OR2L13: variants seen among roughly 807,000 people sequenced by gnomAD.
OR2L13 encodes the protein olfactory receptor 2L13.
OR2L13 carries 14 observed loss-of-function variants against 15.3 expected under a neutral mutation model. That is an observed-to-expected ratio of 0.91 (90% CI 0.60 to 1.43). OR2L13 has a LOEUF of 1.43. OR2L13 is among the 40% of genes most tolerant of loss of function. OR2L13 has a pLI of 0.00. For missense variants in OR2L13, 367 were observed against 387.9 expected (o/e 0.95, Z 0.45); for synonymous variants, 152 against 142.9 (o/e 1.06, Z -0.45).
At chr1:247,942,768 G>A in the OR2L13 span, among the ~76,000 whole-genome samples, 1 of 152,060 alleles carries the variant, frequency 6.6e-6, no homozygotes, top group Non-Finnish European at 1.5e-5. Context: ...TAAGTGTAGA[G>A]TTCTGTGTCA....
At chr1:247,999,868 G>A in the OR2L13 span, among the ~76,000 whole-genome samples, 3 of 152,080 alleles carry the variant, frequency 2.0e-5, no homozygotes. Flanking sequence ...GCTATTTCCT[G>A]TTTTACCATT....
the OR2L13 span, among the ~76,000 whole-genome samples, chr1:247,946,028 G>A: frequency 2.6e-5 from 4 of 152,084 alleles, no homozygotes; most frequent in Admixed American, 2.0e-4. Flanking sequence ...TTTAATCGCT[G>A]TAATCAGCAT....
At chr1:248,014,901 A>G in the OR2L13 span, among the ~76,000 whole-genome samples, 2 of 152,200 alleles carry the variant, frequency 1.3e-5, no homozygotes, top group South Asian at 2.1e-4. Flanking sequence ...TCTCTTTCCC[A>G]TGAACTTACA....
chr1:248,096,751 C>A (rs1664749948), upstream of OR2L13, among the ~76,000 whole-genome samples: 1 of 152,184 alleles, frequency 6.6e-6, no homozygotes, highest in Non-Finnish European at 1.5e-5. Flanking sequence ...CCTACACTTG[C>A]TACACTTACA....
At chr1:247,979,325 C>G in the OR2L13 span, among the ~76,000 whole-genome samples, 1 of 152,060 alleles carries the variant, frequency 6.6e-6, no homozygotes, top group African/African-American at 2.4e-5. Context: ...CACCACCCCC[C>G]AAAAGGCCCC....
At chr1:248,011,820 T>C in the OR2L13 span, among the ~76,000 whole-genome samples, 1 of 152,304 alleles carries the variant, frequency 6.6e-6, no homozygotes, top group African/African-American at 2.4e-5. Context: ...GGTGGGCCTG[T>C]ATCAATCCTC....
chr1:248,029,181 G>A, the OR2L13 span: 7 of 152,026 alleles, frequency 4.6e-5, no homozygotes, highest in Non-Finnish European at 8.8e-5. Context: ...AGGTTTCTTG[G>A]TTTCTTCTCC....
the OR2L13 span, chr1:248,046,706 C>T: frequency 2.0e-5 from 3 of 152,150 alleles, no homozygotes; most frequent in Non-Finnish European, 1.5e-5. Flanking sequence ...TAAAGAAGGA[C>T]TGGATTCATG....
the OR2L13 span, among the ~76,000 whole-genome samples, chr1:248,045,386 A>G: frequency 1.3e-5 from 2 of 152,190 alleles, no homozygotes; most frequent in Admixed American, 6.5e-5. Flanking sequence ...GCGTATTTCA[A>G]GAGTAAGTTG....
At chr1:247,986,052 C>G in the OR2L13 span, among the ~76,000 whole-genome samples, 1 of 152,048 alleles carries the variant, frequency 6.6e-6, no homozygotes. Context: ...TCTCCCATTC[C>G]GTAAGTTGCC....
chr1:247,954,806 T>G, the OR2L13 span, among the ~76,000 whole-genome samples: 4 of 152,208 alleles, frequency 2.6e-5, no homozygotes, highest in African/African-American at 9.6e-5. Flanking sequence ...GAATACGACT[T>G]GAAAATTGCT....
At chr1:247,974,054 T>G in the OR2L13 span, among the ~76,000 whole-genome samples, 1 of 152,144 alleles carries the variant, frequency 6.6e-6, no homozygotes, top group African/African-American at 2.4e-5. Flanking sequence ...ATAGACTGGA[T>G]AAAGTAAATG....
chr1:248,026,689 A>G, the OR2L13 span, among the ~76,000 whole-genome samples: 2 of 152,228 alleles, frequency 1.3e-5, no homozygotes, highest in Non-Finnish European at 2.9e-5. Flanking sequence ...CCCCAAATTA[A>G]TACTTTTATA....
the OR2L13 span, among the ~76,000 whole-genome samples, chr1:248,033,763 T>C: frequency 6.6e-6 from 1 of 152,098 alleles, no homozygotes; most frequent in South Asian, 2.1e-4. Flanking sequence ...TCTATTGTTA[T>C]ACATGTCTGG....
At chr1:247,964,056 G>A in the OR2L13 span, among the ~76,000 whole-genome samples, 1 of 152,084 alleles carries the variant, frequency 6.6e-6, no homozygotes, top group African/African-American at 2.4e-5. Flanking sequence ...CCACCTGAAT[G>A]TAATTACTAT....
the OR2L13 span, among the ~76,000 whole-genome samples, chr1:247,969,283 A>G: frequency 6.6e-6 from 1 of 152,034 alleles, no homozygotes; most frequent in East Asian, 1.9e-4. Flanking sequence ...ATTTTCTCCC[A>G]TTCTGTAGGT....
chr1:247,937,925 A>G, the OR2L13 span, among the ~76,000 whole-genome samples: 1 of 152,238 alleles, frequency 6.6e-6, no homozygotes, highest in African/African-American at 2.4e-5. Context: ...GAAAATTAAA[A>G]ACAATAGTAA....
chr1:248,086,308 T>G, the OR2L13 span, among the ~76,000 whole-genome samples: 1 of 152,174 alleles, frequency 6.6e-6, no homozygotes, highest in Admixed American at 6.5e-5. Context: ...TTATACTTTT[T>G]CAGAATTGAA....
At chr1:248,027,178 A>G in the OR2L13 span, among the ~76,000 whole-genome samples, 217 of 152,266 alleles carry the variant, frequency 1.4e-3, 1 homozygote, top group African/African-American at 4.7e-3. Context: ...TTACAGTCAT[A>G]GATAAGGGAC....
Sources: gnomAD v4.1 joint callset for allele counts (sites outside exome capture counted in the v4.1 genomes callset) on GRCh38, gnomAD v4.1.1 for gene constraint, MANE v1.5 for transcripts, NCBI Gene and HGNC (gene_info 2026-07-23, HGNC 2026-07-21) for gene names.